The following BTBD16 variants were observed in gnomAD, a reference collection of about 807,000 sequenced individuals.
BTBD16 encodes the protein BTB domain containing 16, also known as BTB/POZ domain-containing protein 16.
BTBD16 carries 66 observed loss-of-function variants against 67.4 expected under a neutral mutation model. The observed-to-expected ratio is 0.98, with a 90% confidence interval of 0.80 to 1.20. The LOEUF (loss-of-function observed/expected upper bound fraction) is 1.20, where lower values mean the gene tolerates loss of function less well. Ranked by LOEUF, BTBD16 falls within the 50% of genes most tolerant of loss-of-function variation. The pLI, the probability that BTBD16 is intolerant of heterozygous loss-of-function variation, is 0.00. For missense variants in BTBD16, 634 were observed against 616.0 expected (o/e 1.03, Z -0.31); for synonymous variants, 242 against 236.4 (o/e 1.02, Z -0.22).
intron 10 of BTBD16, among the ~76,000 whole-genome samples, chr10:122,321,131 C>A (rs1590088698): frequency 6.6e-6 from 1 of 152,116 alleles, no homozygotes; most frequent in East Asian, 1.9e-4. Flanking sequence ...TGCATTAATT[C>A]ACTTAGGATA....
At position 122,275,118 on chromosome 10, in the gene BTBD16, C is replaced by G; in HGVS notation, c.18+19C>G. 6.2e-7 allele frequency: 1 copy of G among 1,611,772 alleles called. No individual in the cohort carries two copies. Among genetic ancestry groups the G allele is most frequent in the Non-Finnish European group, 8.5e-7 (1 of 1,178,042 alleles). On this transcript the variant is annotated intron_variant, in intron 2 of 15. Transcript: ENST00000260723. ...GAACACGGTGAGTAGATCAGTTTCT[C>G]AAGAAGGTAGGTGATGAGAAGAAGC... is the stretch of plus-strand genomic sequence containing the variant.
intron 10 of BTBD16, among the ~76,000 whole-genome samples, chr10:122,323,463 T>C (rs1479231736): frequency 6.6e-6 from 1 of 152,166 alleles, no homozygotes. Context: ...TGTCCTTTTA[T>C]GGTATGTGGG....
At chr10:122,334,194 C>A (rs907579482) in intron 13 of BTBD16, among the ~76,000 whole-genome samples, 8 of 93,138 alleles carry the variant, frequency 8.6e-5, no homozygotes, top group African/African-American at 2.0e-4. Flanking sequence ...GTCCTCTTGA[C>A]TTTTTTTTTT....
In BTBD16 at chr10:122,293,670, C is replaced by T. The variant is rs762331698; in HGVS notation, c.590+2476C>T. ...TTTCCTGAGATTCCCGTGTCCCTTC[C>T]GTTGTATATATCACCCACTGTCAGC... On this transcript the variant is annotated intron_variant, in intron 7 of 15. Transcript: ENST00000260723. 3.3e-5 allele frequency among the ~76,000 whole-genome samples: 5 copies of T among 152,290 alleles called. No individual in the cohort carries two copies. The South Asian group carries it at 6.2e-4, about 19-fold the overall frequency.
chr10:122,334,570 A>G (rs2096460461), intron 13 of BTBD16, among the ~76,000 whole-genome samples: 2 of 134,246 alleles, frequency 1.5e-5, no homozygotes, highest in Admixed American at 1.7e-4. Context: ...GCAGTAACAC[A>G]ATCTCAGCTC....
intron 10 of BTBD16, among the ~76,000 whole-genome samples, chr10:122,312,172 T>C (rs912486956): frequency 2.0e-5 from 3 of 152,216 alleles, no homozygotes; most frequent in African/African-American, 7.2e-5. Context: ...AGTTCAACTT[T>C]AGTAAATACT....
At position 122,297,756 on chromosome 10, in the gene BTBD16, C is replaced by A; in HGVS notation, c.591-12C>A. 6.2e-7 allele frequency: 1 copy of A among 1,613,810 alleles called. No individual in the cohort carries two copies. Among genetic ancestry groups the A allele is most frequent in the Non-Finnish European group, 8.5e-7 (1 of 1,179,784 alleles). ...TGGGGTTCCTCCAGAAACTGCAGTT[C>A]TCTCTCTCCAGGTGCGTGGATGTGA... On this transcript the variant is annotated splice_polypyrimidine_tract_variant and intron_variant, in intron 7 of 15. Coordinates refer to ENST00000260723, the MANE Select transcript of BTBD16 (RefSeq NM_144587.5).
rs1299067656 is a variant in BTBD16 at position 122,297,925 on chromosome 10, T to A, written c.660+88T>A. On this transcript the variant is annotated intron_variant, in intron 8 of 15. Coordinates refer to ENST00000260723, the MANE Select transcript of BTBD16 (RefSeq NM_144587.5). ...CTGGGATTTTACCCACCAGGCCTAC[T>A]TCCCCCCAGAATATCTATTTGAAGT... The A allele has an allele frequency of 1.4e-5, 16 of 1,133,358 alleles. No individual in the cohort carries two copies. In the East Asian group the frequency reaches 4.0e-4, roughly 28 times the overall value. The allele number at this position is 1,133,358 out of a possible 1,614,324, so 70.2% of individuals were successfully genotyped here. A position where few individuals can be genotyped will look rare whatever the true frequency, so the allele number is the denominator to read the frequency against.
chr10:122,311,795 C>A (rs1008167581), intron 10 of BTBD16, among the ~76,000 whole-genome samples: 9 of 152,186 alleles, frequency 5.9e-5, no homozygotes, highest in African/African-American at 2.2e-4. Flanking sequence ...TATCTCAGTA[C>A]CTACTTCTTC....
intron 10 of BTBD16, among the ~76,000 whole-genome samples, chr10:122,318,322 T>A (rs1251791258): frequency 6.6e-6 from 1 of 152,238 alleles, no homozygotes; most frequent in African/African-American, 2.4e-5. Flanking sequence ...TATCAGTAGG[T>A]CTTTTTGTTG....
intron 10 of BTBD16, among the ~76,000 whole-genome samples, chr10:122,307,905 C>T (rs552653678): frequency 6.6e-6 from 1 of 152,358 alleles, no homozygotes; most frequent in African/African-American, 2.4e-5. Flanking sequence ...ATTTCTGGAA[C>T]AGAACATCTG....
chr10:122,328,176 C>T (rs557406120), intron 10 of BTBD16, among the ~76,000 whole-genome samples: 10 of 152,328 alleles, frequency 6.6e-5, no homozygotes, highest in African/African-American at 1.7e-4. Flanking sequence ...AGGAAGTGAG[C>T]GAGTGTTATT....
chr10:122,276,213 A>G (rs1008253184), intron 2 of BTBD16, among the ~76,000 whole-genome samples: 1 of 152,218 alleles, frequency 6.6e-6, no homozygotes, highest in Non-Finnish European at 1.5e-5. Context: ...CGGGCTGGGG[A>G]CATGGGAACA....
intron 11 of BTBD16, among the ~76,000 whole-genome samples, chr10:122,330,166 A>C (rs1205397716): frequency 6.6e-6 from 1 of 152,224 alleles, no homozygotes; most frequent in African/African-American, 2.4e-5. Flanking sequence ...GTTTTGTCCA[A>C]GTTGCTTCTA....
In BTBD16 at chr10:122,331,156, C is replaced by A; in HGVS notation, c.1004-20C>A. ...GGTGTGAATAAAACTAAAAAACATT[C>A]TCTTTGCGTTTCTTCCCAGGCAAGG... On this transcript the variant is annotated intron_variant, in intron 11 of 15. Coordinates refer to ENST00000260723, the MANE Select transcript of BTBD16 (RefSeq NM_144587.5). 1 of 1,605,064 alleles carries A rather than the reference C, an allele frequency of 6.2e-7. No homozygotes were observed. Among genetic ancestry groups the A allele is most frequent in the Non-Finnish European group, 8.5e-7 (1 of 1,177,528 alleles).
At chr10:122,307,163 CT>C (rs2096405028) in intron 9 of BTBD16, 25 bp from the exon 10 acceptor site, 2 of 1,570,306 alleles carry the variant, frequency 1.3e-6, no homozygotes, top group Non-Finnish European at 1.7e-6. Flanking sequence ...TCTGAAATTT[CT>C]TCTCAATCTT....
intron 15 of BTBD16, among the ~76,000 whole-genome samples, chr10:122,337,110 G>C (rs1428858765): frequency 6.6e-6 from 1 of 152,238 alleles, no homozygotes; most frequent in Non-Finnish European, 1.5e-5. Context: ...TACCTCAGTA[G>C]GTGGTTGCCA....
At chr10:122,311,704 A>T (rs932622982) in intron 10 of BTBD16, among the ~76,000 whole-genome samples, 4 of 152,238 alleles carry the variant, frequency 2.6e-5, no homozygotes, top group Non-Finnish European at 5.9e-5. Context: ...GAAGAGCTCA[A>T]TGAATTTCCA....
At chr10:122,277,536 C>G (rs1007144018) in intron 3 of BTBD16, among the ~76,000 whole-genome samples, 1 of 152,074 alleles carries the variant, frequency 6.6e-6, no homozygotes. Context: ...AGAAGCATGG[C>G]GCCAGCATCT....
Sources: allele counts gnomAD v4.1 joint callset (sites outside exome capture counted in the v4.1 genomes callset), GRCh38; gene constraint gnomAD v4.1.1; transcripts MANE v1.5; gene names NCBI Gene and HGNC (gene_info 2026-07-23, HGNC 2026-07-21).